Variants in RRAGC observed in about 807,000 individuals in gnomAD.
RRAGC encodes the protein ras-related GTP-binding protein C.
In RRAGC, 8 loss-of-function variants were observed where a neutral mutation model predicts 37.1. The ratio of observed to expected loss-of-function variants is 0.22; its 90% CI spans 0.13 to 0.39. The LOEUF is 0.39. RRAGC is among the 10% of genes least tolerant of loss of function. The pLI is 1.00. For synonymous variants in RRAGC, 190 were observed against 181.1 expected, an observed-to-expected ratio of 1.05 and a Z score of -0.39; for missense variants, 342 against 497.6, an observed-to-expected ratio of 0.69 and a Z score of 2.98.
intron 5 of RRAGC, 48 bp downstream of exon 5, chr1:38,851,567 T>C (rs1485754581): frequency 2.1e-6 from 3 of 1,451,296 alleles, no homozygotes; most frequent in South Asian, 1.5e-5. Context: ...ATCAAGTTAA[T>C]AGTTTTCCGC....
chr1:38,859,534 G>GCCGCCT lies in RRAGC; in HGVS notation c.107_112dup (p.Glu36_Ala37dup). 7 of 1,322,960 alleles carry GCCGCCT rather than the reference G, an allele frequency of 5.3e-6. No individual in the cohort carries two copies. The highest frequency in any genetic ancestry group is 7.1e-6 in the Non-Finnish European group (7 of 981,998). 82.0% of individuals were successfully genotyped at this position (1,322,960 alleles called of 1,614,324 possible). On this transcript the variant is annotated inframe_insertion, in exon 1 of 7. Coordinates refer to ENST00000373001, the MANE Select transcript of RRAGC (RefSeq NM_022157.4). The stretch of plus-strand genomic sequence containing the variant: ...TGCCCCAACCCCTCCGCCCGCCGCC[G>GCCGCCT]CCGCCTCCTCTTCCTCCTCCTCCAC...
intron 4 of RRAGC, among the ~76,000 whole-genome samples, chr1:38,851,977 C>T (rs1327663600): frequency 6.6e-6 from 1 of 152,168 alleles, no homozygotes; most frequent in Non-Finnish European, 1.5e-5. Context: ...TTTCCTAAGT[C>T]AAATCTTCTT....
At chr1:38,847,626 C>T (rs4970563) in intron 5 of RRAGC, 19,348 of 152,056 alleles carry the variant, frequency 0.13, 1,587 homozygotes, top group Non-Finnish European at 0.18. Flanking sequence ...CCTTCTCATA[C>T]ATTTCTTTGA....
At position 38,859,700 on chromosome 1, in the gene RRAGC, GGCC is replaced by G; in HGVS notation, c.-57_-55del. ...TGACAGGCCAGGCCAGGCCGAGCCA[GGCC>G]GCCGCCTCCCCAGTCCGCCTCCGCC... On this transcript the variant is annotated 5_prime_UTR_variant, in exon 1 of 7. Coordinates refer to ENST00000373001, the MANE Select transcript of RRAGC (RefSeq NM_022157.4). The G allele has an allele frequency of 1.5e-6, 2 of 1,352,514 alleles. No individual in the cohort carries two copies. The highest frequency in any genetic ancestry group is 1.9e-6 in the Non-Finnish European group (2 of 1,047,930). The allele number at this position is 1,352,514 out of a possible 1,614,324, so 83.8% of individuals were successfully genotyped here.
intron 3 of RRAGC, among the ~76,000 whole-genome samples, chr1:38,855,005 G>A (rs182544328): frequency 2.0e-5 from 3 of 152,114 alleles, no homozygotes; most frequent in African/African-American, 7.2e-5. Flanking sequence ...CTTTTAGAAT[G>A]CAAATACACA....
At chr1:38,842,638 T>C (rs1195341456) in intron 6 of RRAGC, among the ~76,000 whole-genome samples, 6 of 152,210 alleles carry the variant, frequency 3.9e-5, no homozygotes, top group African/African-American at 1.2e-4. Flanking sequence ...TCAAAAGATA[T>C]AGGTACTCTA....
chr1:38,853,452 A>G (rs1642126570), intron 3 of RRAGC, among the ~76,000 whole-genome samples: 1 of 152,236 alleles, frequency 6.6e-6, no homozygotes, highest in African/African-American at 2.4e-5. Flanking sequence ...TAGGTAATTT[A>G]AAGATACTTT....
At chr1:38,852,273 C>G (rs530877521) in intron 4 of RRAGC, 101 bp downstream of exon 4, 6 of 736,784 alleles carry the variant, frequency 8.1e-6, no homozygotes, top group Non-Finnish European at 1.5e-5. Context: ...GTACTTGATA[C>G]AGATTAATTC....
intron 6 of RRAGC, among the ~76,000 whole-genome samples, chr1:38,844,628 T>G (rs1461285205): frequency 1.3e-5 from 2 of 152,252 alleles, no homozygotes; most frequent in African/African-American, 2.4e-5. Context: ...GGCCACTGAA[T>G]GCAGGAAGGA....
At position 38,859,756 on chromosome 1, in the gene RRAGC, G is replaced by C; in HGVS notation, c.-110C>G. 1 of 980,590 alleles carries C rather than the reference G, an allele frequency of 1.0e-6. No individual in the cohort carries two copies. The highest frequency in any genetic ancestry group is 1.3e-6 in the Non-Finnish European group (1 of 771,072). The allele number at this position is 980,590 out of a possible 1,614,324, so 60.7% of individuals were successfully genotyped here. ...CGCCGCCACCACCGCCACCGCCCCC[G>C]GCAGCCGCCACAGTCCGGCCCGCCC... On this transcript the variant is annotated 5_prime_UTR_variant, in exon 1 of 7. Transcript: ENST00000373001.
In RRAGC at chr1:38,859,544, C is replaced by T; in HGVS notation, c.103G>A (p.Glu35Lys). The T allele has an allele frequency of 6.5e-7, 1 of 1,549,856 alleles. No homozygotes were observed. The highest frequency in any genetic ancestry group is 8.7e-7 in the Non-Finnish European group (1 of 1,147,474). ...DFGYGVEEEE[E>K]EAAAAGGGVG... Reference sequence around the variant, plus strand: ...CCTCCGCCCGCCGCCGCCGCCTCCTCTTCCTCCTCCTCCACGCCGTAGCCG... The same window carrying T: ...CCTCCGCCCGCCGCCGCCGCCTCCTTTTCCTCCTCCTCCACGCCGTAGCCG... The change falls in exon 1 of 7, where the codon GAG becomes AAG. Residue 35 changes from glutamate (E) to lysine (K), a missense_variant. Around this residue, in one of 3 missense-constraint regions of RRAGC, gnomAD observed 104 missense variants for 93.4 expected, o/e 1.11. Coordinates refer to ENST00000373001, the MANE Select transcript of RRAGC (RefSeq NM_022157.4).
intron 5 of RRAGC, 73 bp from the exon 6 acceptor site, chr1:38,846,160 A>G: frequency 1.7e-6 from 2 of 1,173,298 alleles, no homozygotes; most frequent in Non-Finnish European, 2.5e-6. Context: ...CTGCACAATG[A>G]CATCCACCCA....
At chr1:38,845,661 T>C (rs568382482) in intron 6 of RRAGC, among the ~76,000 whole-genome samples, 1 of 152,280 alleles carries the variant, frequency 6.6e-6, no homozygotes, top group East Asian at 1.9e-4. Context: ...AGTAGACTTG[T>C]TCAGATGGAA....
intron 1 of RRAGC, among the ~76,000 whole-genome samples, chr1:38,858,088 G>A (rs1173721823): frequency 2.6e-5 from 4 of 152,140 alleles, no homozygotes; most frequent in African/African-American, 9.7e-5. Flanking sequence ...TAACAAATGT[G>A]AATAACTGAA....
At position 38,859,671 on chromosome 1, in the gene RRAGC, G is replaced by C; in HGVS notation, c.-25C>G. On this transcript the variant is annotated 5_prime_UTR_variant, in exon 1 of 7. Coordinates refer to ENST00000373001, the MANE Select transcript of RRAGC (RefSeq NM_022157.4). Reference sequence around the variant, plus strand: ...TGGTGCTGGAGCCGCCGCCGCCCGCGCCCTGACAGGCCAGGCCAGGCCGAG... The same window carrying C: ...TGGTGCTGGAGCCGCCGCCGCCCGCCCCCTGACAGGCCAGGCCAGGCCGAG... 6.6e-7 allele frequency: 1 copy of C among 1,524,044 alleles called. No homozygotes were observed. Among genetic ancestry groups the C allele is most frequent in the South Asian group, 1.2e-5 (1 of 81,192 alleles). 94.4% of individuals were successfully genotyped at this position (1,524,044 alleles called of 1,614,324 possible).
At chr1:38,844,028 T>A (rs1641998716) in intron 6 of RRAGC, among the ~76,000 whole-genome samples, 1 of 151,790 alleles carries the variant, frequency 6.6e-6, no homozygotes, top group South Asian at 2.1e-4. Flanking sequence ...TTGGTGAAAA[T>A]TCAATATAAA....
In RRAGC at chr1:38,849,987, A is replaced by T. The variant is rs1414268819; in HGVS notation, c.899+1628T>A. 1.7e-3 allele frequency among the ~76,000 whole-genome samples: 262 copies of T among 151,974 alleles called. 1 individual carries two copies. The highest frequency in any genetic ancestry group is 5.9e-3 in the African/African-American group (246 of 41,452). ...TTTGGGAGGCCACGGCGGGTGGATC[A>T]CGAGGTCAGGAGTTCGAGACCAGCC... On this transcript the variant is annotated intron_variant, in intron 5 of 6. Coordinates refer to ENST00000373001, the MANE Select transcript of RRAGC (RefSeq NM_022157.4).
chr1:38,856,262 G>T (rs1276278864), intron 2 of RRAGC, among the ~76,000 whole-genome samples: 7 of 152,160 alleles, frequency 4.6e-5, no homozygotes. Context: ...TCATCTGTAA[G>T]ATCAGAATTA....
chr1:38,839,299 A>T lies in RRAGC; in HGVS notation c.*254T>A. 2.7e-6 allele frequency: 1 copy of T among 370,416 alleles called. No individual in the cohort carries two copies. Among genetic ancestry groups the T allele is most frequent in the African/African-American group, 2.1e-5 (1 of 48,758 alleles). The allele number at this position is 370,416 out of a possible 1,614,324, so 22.9% of individuals were successfully genotyped here. Reference sequence around the variant, plus strand: ...ACTTAAAGGGGACCCAAAAGAGGAGAAACACACACTTGAGTTCTGTGGTCT... The same window carrying T: ...ACTTAAAGGGGACCCAAAAGAGGAGTAACACACACTTGAGTTCTGTGGTCT... On this transcript the variant is annotated 3_prime_UTR_variant, in exon 7 of 7. Coordinates refer to ENST00000373001, the MANE Select transcript of RRAGC (RefSeq NM_022157.4).
Sources: allele counts gnomAD v4.1 joint callset (sites outside exome capture counted in the v4.1 genomes callset), GRCh38; gene constraint gnomAD v4.1.1; regional missense constraint gnomAD v4.1.1; transcripts MANE v1.5; gene names NCBI Gene and HGNC (gene_info 2026-07-23, HGNC 2026-07-21).